Variants in DCAF10 observed in about 807,000 individuals in gnomAD.
DCAF10 encodes DDB1 and CUL4 associated factor 10.
A neutral mutation model predicts 51.9 loss-of-function variants in DCAF10; 19 were observed. The observed-to-expected ratio is 0.37, with a 90% confidence interval of 0.26 to 0.54. DCAF10 has a LOEUF of 0.54. Among genes scored for constraint, DCAF10 ranks in the 20% least tolerant of loss-of-function variants. The pLI, the probability that DCAF10 is intolerant of heterozygous loss-of-function variation, is 0.87. For missense variants in DCAF10, 510 were observed against 730.6 expected (o/e 0.70, Z 3.48); for synonymous variants, 291 against 297.1 (o/e 0.98, Z 0.21).
intron 1 of DCAF10, among the ~76,000 whole-genome samples, chr9:37,813,386 G>A (rs909729620): frequency 3.3e-5 from 5 of 152,332 alleles, no homozygotes; most frequent in South Asian, 2.1e-4. Context: ...ATGGGCCAAT[G>A]TGCCTGGCCA....
intron 1 of DCAF10, among the ~76,000 whole-genome samples, chr9:37,816,355 G>A (rs959763194): frequency 6.6e-6 from 1 of 152,258 alleles, no homozygotes; most frequent in African/African-American, 2.4e-5. Flanking sequence ...TTGGGAGGCT[G>A]AGGTGGGTGG....
intron 3 of DCAF10, among the ~76,000 whole-genome samples, chr9:37,852,765 G>C (rs1338900414): frequency 9.9e-5 from 15 of 151,920 alleles, no homozygotes; most frequent in Admixed American, 9.8e-4. Context: ...TGAAAAATTA[G>C]CTGGATGTGG....
At position 37,863,730 on chromosome 9, in the gene DCAF10, A is replaced by C. The variant is rs1273302261; in HGVS notation, c.*2222A>C. ...GCTGAGAATTCTAGCCATAAGAAGA[A>C]AAGTATTTTAAATCTTACAGAAATG... is the stretch of plus-strand genomic sequence containing the variant. On this transcript the variant is annotated 3_prime_UTR_variant, in exon 7 of 7. Coordinates refer to ENST00000377724, the MANE Select transcript of DCAF10 (RefSeq NM_024345.5). 1.3e-5 allele frequency: 2 copies of C among 152,230 alleles called. No individual in the cohort carries two copies. The highest frequency in any genetic ancestry group is 3.8e-4 in the East Asian group (2 of 5,200). 9.4% of individuals were successfully genotyped at this position (152,230 alleles called of 1,614,324 possible). A position where few individuals can be genotyped will look rare whatever the true frequency, so the allele number is the denominator to read the frequency against.
intron 1 of DCAF10, among the ~76,000 whole-genome samples, chr9:37,816,659 G>GGGGGGGGGTGTGTGTGTGTGTGT (rs372664140): frequency 1.1e-4 from 16 of 144,884 alleles, no homozygotes; most frequent in Admixed American, 3.5e-4. Context: ...CTGCACCTGG[G>GGGGGGGGGTGTGTGTGTGTGTGT]GTGTGTGTGT....
chr9:37,807,571 A>G (rs928976145), intron 1 of DCAF10, among the ~76,000 whole-genome samples: 7 of 151,840 alleles, frequency 4.6e-5, no homozygotes, highest in Non-Finnish European at 8.8e-5. Context: ...GAGCATTTTT[A>G]TAATCTATAT....
chr9:37,853,699 C>T (rs576245441), intron 3 of DCAF10, among the ~76,000 whole-genome samples: 1 of 152,198 alleles, frequency 6.6e-6, no homozygotes, highest in African/African-American at 2.4e-5. Context: ...GTCCACATCC[C>T]AGGCTCAAAC....
chr9:37,816,656 T>TGGGGGGGG (rs201441275), intron 1 of DCAF10, among the ~76,000 whole-genome samples: 1 of 142,624 alleles, frequency 7.0e-6, no homozygotes, highest in Non-Finnish European at 1.5e-5. Context: ...CATCTGCACC[T>TGGGGGGGG]GGGGTGTGTG....
chr9:37,860,546 T>G, intron 6 of DCAF10: 1 of 194,974 alleles, frequency 5.1e-6, no homozygotes, highest in South Asian at 1.4e-4. Context: ...AACATAGGTC[T>G]GAAATGTTTC....
rs1213319597 is a variant in DCAF10, at chr9:37,801,852, G to A, written c.539+447G>A. ...TGCACTCTGTACCTGAACTTGCCAT[G>A]ATGGGGCAAGTGCGTTCCTTTGCTC... is the stretch of plus-strand genomic sequence containing the variant. On this transcript the variant is annotated intron_variant, in intron 1 of 6. Transcript: ENST00000377724. The surrounding 1 kb of genome is among the most constrained non-coding windows in gnomAD (Gnocchi z 5.5). 6.6e-6 allele frequency among the ~76,000 whole-genome samples: 1 copy of A among 152,194 alleles called. No individual in the cohort carries two copies. Among genetic ancestry groups the A allele is most frequent in the Non-Finnish European group, 1.5e-5 (1 of 68,036 alleles).
chr9:37,817,584 C>T lies in DCAF10; in HGVS notation c.540-1704C>T, dbSNP rs974633886. Among the ~76,000 whole-genome samples, 3 of 150,502 alleles carry T rather than the reference C, an allele frequency of 2.0e-5. No homozygotes were observed. The Admixed American group carries it at 2.0e-4, about 10-fold the overall frequency. Reference sequence around the variant, plus strand: ...CCACACTTCAGCCTGGGTGATAGAGCGAGACTTCGTCTCAGAAAAAAAGAA... The same window carrying T: ...CCACACTTCAGCCTGGGTGATAGAGTGAGACTTCGTCTCAGAAAAAAAGAA... On this transcript the variant is annotated intron_variant, in intron 1 of 6. Transcript: ENST00000377724.
intron 2 of DCAF10, chr9:37,836,542 G>A: frequency 2.7e-6 from 2 of 742,542 alleles, no homozygotes; most frequent in Non-Finnish European, 4.7e-6. Context: ...TCAGCTGAGA[G>A]CAGGGAATGG....
intron 2 of DCAF10, among the ~76,000 whole-genome samples, chr9:37,831,197 A>G (rs1418740308): frequency 6.6e-6 from 1 of 152,032 alleles, no homozygotes; most frequent in Non-Finnish European, 1.5e-5. Context: ...AGCCTGGGCG[A>G]TAGAGCGAGA....
In DCAF10 at chr9:37,829,271, C is replaced by T. The variant is rs564758773; in HGVS notation, c.653+9870C>T. On this transcript the variant is annotated intron_variant, in intron 2 of 6. Transcript: ENST00000377724. The surrounding 1 kb of genome is among the most constrained non-coding windows in gnomAD (Gnocchi z 4.2). ...CCTGACCAACATGGAGAAACCCCGT[C>T]TCTACTAAAAATACAAAAATTAGCC... is the stretch of plus-strand genomic sequence containing the variant. 6.6e-6 allele frequency among the ~76,000 whole-genome samples: 1 copy of T among 152,170 alleles called. No individual in the cohort carries two copies. Among genetic ancestry groups the T allele is most frequent in the East Asian group, 1.9e-4 (1 of 5,162 alleles).
chr9:37,821,788 T>C (rs937545557), intron 2 of DCAF10, among the ~76,000 whole-genome samples: 2 of 152,102 alleles, frequency 1.3e-5, no homozygotes, highest in Admixed American at 6.6e-5. Flanking sequence ...CTAAAGAGAT[T>C]TGGCATGGCG....
intron 5 of DCAF10, 60 bp from the exon 6 acceptor site, chr9:37,859,985 TTGA>T: frequency 1.3e-6 from 2 of 1,594,906 alleles, no homozygotes; most frequent in South Asian, 1.1e-5. Context: ...ATAAAAAGCT[TTGA>T]TGAACTGCCT....
chr9:37,832,104 TACTCA>T (rs1830024693), intron 2 of DCAF10: 1 of 152,240 alleles, frequency 6.6e-6, no homozygotes, highest in African/African-American at 2.4e-5. Context: ...TAATCCCAGC[TACTCA>T]GGAGGCTGAG....
chr9:37,861,114 G>T lies in DCAF10; in HGVS notation c.1312-26G>T, dbSNP rs757976748. On this transcript the variant is annotated intron_variant, in intron 6 of 6. Coordinates refer to ENST00000377724, the MANE Select transcript of DCAF10 (RefSeq NM_024345.5). This position sits in a 1 kb window ranked among gnomAD's most constrained non-coding sequence, Gnocchi z 4.9. ...AGCACTATTTGGGCTCTGTAACCTT[G>T]GTTTGTCTCCCTTCTCTCCCCCTAG... The T allele has an allele frequency of 1.3e-6, 2 of 1,580,908 alleles. No homozygotes were observed. The highest frequency in any genetic ancestry group is 2.2e-5 in the South Asian group (2 of 89,366).
intron 3 of DCAF10, among the ~76,000 whole-genome samples, chr9:37,850,681 GA>G (rs1830604880): frequency 6.6e-6 from 1 of 151,222 alleles, no homozygotes; most frequent in South Asian, 2.1e-4. Context: ...CAGTTAGGAG[GA>G]ATAAAAGTTC....
In DCAF10 at chr9:37,837,457, C is replaced by CA. The variant is rs555983041; in HGVS notation, c.654-4614dup. ...CTGGCAACAGAGCGAGACTCCATCT[C>CA]AAAAAAAAAAAAAAAAAAGAAAAGA... On this transcript the variant is annotated intron_variant, in intron 2 of 6. Coordinates refer to ENST00000377724, the MANE Select transcript of DCAF10 (RefSeq NM_024345.5). Among the ~76,000 whole-genome samples the CA allele has an allele frequency of 9.2e-3, 780 of 85,184 alleles. 10 individuals are homozygous for CA. The highest frequency in any genetic ancestry group is 0.027 in the Middle Eastern group (4 of 146). The allele number at this position is 85,184 out of a possible 152,430, so 55.9% of individuals were successfully genotyped here.
Sources: allele counts gnomAD v4.1 joint callset (sites outside exome capture counted in the v4.1 genomes callset), GRCh38; gene constraint gnomAD v4.1.1; non-coding constraint Gnocchi (gnomAD v3.1); transcripts MANE v1.5; gene names NCBI Gene and HGNC (gene_info 2026-07-23, HGNC 2026-07-21).